ZWILCH: variants seen among roughly 807,000 people sequenced by gnomAD.
The protein encoded by ZWILCH is zwilch kinetochore protein, also known as protein zwilch homolog.
Under a neutral mutation model 79.9 loss-of-function variants are expected in ZWILCH, and 74 were observed. The ratio of observed to expected loss-of-function variants is 0.93; its 90% CI spans 0.77 to 1.12. ZWILCH has a LOEUF of 1.12. ZWILCH is among the 50% of genes most tolerant of loss of function. The pLI, the probability that ZWILCH is intolerant of heterozygous loss-of-function variation, is 0.00. For synonymous variants in ZWILCH, 241 were observed against 228.2 expected (o/e 1.06, Z -0.51); for missense variants, 694 against 687.5 (o/e 1.01, Z -0.11).
intron 12 of ZWILCH, among the ~76,000 whole-genome samples, chr15:66,531,991 TG>T (rs1488515684): frequency 1.3e-5 from 2 of 151,988 alleles, no homozygotes; most frequent in Non-Finnish European, 2.9e-5. Context: ...TGCTTGAACC[TG>T]GGAGGTAGAG....
chr15:66,539,401 C>CAAA (rs536047404), intron 16 of ZWILCH, among the ~76,000 whole-genome samples: 14,481 of 57,768 alleles, frequency 0.25, 1,409 homozygotes, highest in East Asian at 0.42. Context: ...AAGACCCTGT[C>CAAA]AAAAAAAAAA....
intron 2 of ZWILCH, among the ~76,000 whole-genome samples, chr15:66,511,971 C>G (rs1294655695): frequency 6.6e-6 from 1 of 152,076 alleles, no homozygotes; most frequent in East Asian, 1.9e-4. Context: ...GTAGGTGCAA[C>G]ATTTTGAAAG....
chr15:66,518,851 A>G (rs1337287930), intron 4 of ZWILCH, 28 bp from the exon 5 acceptor site: 1 of 1,590,152 alleles, frequency 6.3e-7, no homozygotes, highest in Non-Finnish European at 8.6e-7. Flanking sequence ...ATCTCTATCT[A>G]TAATTTGTCC....
intron 17 of ZWILCH, among the ~76,000 whole-genome samples, chr15:66,544,430 C>T (rs531575228): frequency 4.9e-4 from 75 of 151,940 alleles, no homozygotes; most frequent in Middle Eastern, 3.4e-3. Context: ...CTTCCAGGCT[C>T]AAGCAATCCT....
intron 8 of ZWILCH, among the ~76,000 whole-genome samples, chr15:66,526,469 C>CTTTTTT (rs1014781917): frequency 6.7e-6 from 1 of 148,314 alleles, no homozygotes; most frequent in African/African-American, 2.6e-5. Flanking sequence ...ACTGCTTTTT[C>CTTTTTT]TTTCTTTTTT....
At chr15:66,532,954 G>T in intron 13 of ZWILCH, 31 bp from the exon 14 acceptor site, 1 of 1,507,492 alleles carries the variant, frequency 6.6e-7, no homozygotes, top group Non-Finnish European at 9.0e-7. Flanking sequence ...TACCTGAAGT[G>T]TTTTTGCATG....
In ZWILCH at chr15:66,505,373, TTTA is replaced by T; in HGVS notation, c.38_40del (p.Tyr13del). ...CGGCTGAACTGCGCAGCAGAGGACT[TTTA>T]TTCTCGTCTCCTTCAGTGAGTCTAG... On this transcript the variant is annotated inframe_deletion, in exon 1 of 19. Coordinates refer to ENST00000307897, the MANE Select transcript of ZWILCH (RefSeq NM_017975.5). 6.2e-7 allele frequency: 1 copy of T among 1,614,180 alleles called. No individual in the cohort carries two copies. Among genetic ancestry groups the T allele is most frequent in the Non-Finnish European group, 8.5e-7 (1 of 1,180,026 alleles).
At chr15:66,517,455 T>TATATATAGAG (rs1180456312) in intron 4 of ZWILCH, among the ~76,000 whole-genome samples, 1 of 115,220 alleles carries the variant, frequency 8.7e-6, no homozygotes, top group Non-Finnish European at 1.9e-5. Context: ...TATATATATA[T>TATATATAGAG]AGTAATGTAC....
Position 66,539,401 on chromosome 15 carries a change from C to CAAAA in ZWILCH, c.1575-678_1575-675dup, listed in dbSNP as rs536047404. Reference sequence around the variant, plus strand: ...CCTGGGTGACAGAGCAAGACCCTGTCAAAAAAAAAAAAAAAAAAAAAAGAT... The same window carrying CAAAA: ...CCTGGGTGACAGAGCAAGACCCTGTCAAAAAAAAAAAAAAAAAAAAAAAAAAGAT... On this transcript the variant is annotated intron_variant, in intron 16 of 18. Transcript: ENST00000307897. 6.3e-3 allele frequency among the ~76,000 whole-genome samples: 364 copies of CAAAA among 57,948 alleles called. 10 individuals carry two copies. The highest frequency in any genetic ancestry group is 0.016 in the African/African-American group (264 of 16,300). 38.0% of individuals were successfully genotyped at this position (57,948 alleles called of 152,430 possible).
chr15:66,527,689 C>T (rs1894721049), intron 9 of ZWILCH, among the ~76,000 whole-genome samples, 168 bp from the exon 10 acceptor site: 2 of 152,210 alleles, frequency 1.3e-5, no homozygotes, highest in African/African-American at 4.8e-5. Flanking sequence ...CATCCTCACA[C>T]CCCCACCTGA....
chr15:66,520,406 C>A, intron 5 of ZWILCH, 184 bp from the exon 6 acceptor site: 1 of 524,598 alleles, frequency 1.9e-6, no homozygotes, highest in Non-Finnish European at 3.4e-6. Context: ...TATGTGTGAG[C>A]CACCATACCC....
rs1407729529 is a variant in ZWILCH at position 66,535,178 on chromosome 15, AAC to A, written c.1342-749_1342-748del. On this transcript the variant is annotated intron_variant, in intron 14 of 18. Coordinates refer to ENST00000307897, the MANE Select transcript of ZWILCH (RefSeq NM_017975.5). ...GCACTGGAAGCTCTCCAGGGGCAAGAACACACATGGAACTGTTATCACCTATG... is the reference window on the plus strand; with the variant it reads ...GCACTGGAAGCTCTCCAGGGGCAAGAACACATGGAACTGTTATCACCTATG... 3.3e-5 allele frequency among the ~76,000 whole-genome samples: 5 copies of A among 152,290 alleles called. No homozygotes were observed. The East Asian group carries it at 9.6e-4, about 29-fold the overall frequency.
Position 66,505,398 on chromosome 15 carries a change from C to CTA in ZWILCH, c.53+8_53+9dup, listed in dbSNP as rs1393875642. 1.2e-6 allele frequency: 2 copies of CTA among 1,613,882 alleles called. No homozygotes were observed. Among genetic ancestry groups the CTA allele is most frequent in the African/African-American group, 2.7e-5 (2 of 74,932 alleles). ...TTTATTCTCGTCTCCTTCAGTGAGT[C>CTA]TAGTCTCTTCTTTTGGCTGGGGTCC... On this transcript the variant is annotated splice_region_variant and intron_variant, in intron 1 of 18. Coordinates refer to ENST00000307897, the MANE Select transcript of ZWILCH (RefSeq NM_017975.5).
chr15:66,546,744 T>TA (rs1443635872), intron 18 of ZWILCH, 39 bp downstream of exon 18: 10 of 1,134,876 alleles, frequency 8.8e-6, no homozygotes, highest in Middle Eastern at 2.0e-4. Flanking sequence ...GTCAAATACT[T>TA]TGTAATAAGT....
intron 16 of ZWILCH, among the ~76,000 whole-genome samples, chr15:66,538,487 A>G (rs1424190076): frequency 6.6e-6 from 1 of 151,806 alleles, no homozygotes; most frequent in African/African-American, 2.4e-5. Flanking sequence ...GTTTCAAGCA[A>G]TTCTCCTGCC....
At chr15:66,505,478 A>T (rs1439050684) in intron 1 of ZWILCH, 87 bp downstream of exon 1, 1 of 1,513,862 alleles carries the variant, frequency 6.6e-7, no homozygotes, top group Non-Finnish European at 9.1e-7. Context: ...GCCTCTTGCC[A>T]CTCTGGGGAT....
chr15:66,544,206 G>A (rs1895281484), intron 17 of ZWILCH, among the ~76,000 whole-genome samples: 1 of 149,696 alleles, frequency 6.7e-6, no homozygotes, highest in African/African-American at 2.5e-5. Flanking sequence ...TCAGTGAGCC[G>A]ATATCACGCC....
chr15:66,547,056 G>A (rs35414043), intron 18 of ZWILCH: 10,537 of 152,758 alleles, frequency 0.069, 422 homozygotes, highest in Middle Eastern at 0.11. Context: ...CTGATTTGCC[G>A]TTGAAAGCGA....
At chr15:66,508,742 A>T in intron 1 of ZWILCH, 99 bp from the exon 2 acceptor site, 4 of 1,547,588 alleles carry the variant, frequency 2.6e-6, no homozygotes, top group Admixed American at 2.0e-5. Context: ...TGCCTTTCCT[A>T]TAGGTGTCCT....
Sources: gnomAD v4.1 joint callset for allele counts (sites outside exome capture counted in the v4.1 genomes callset) on GRCh38, gnomAD v4.1.1 for gene constraint, MANE v1.5 for transcripts, NCBI Gene and HGNC (gene_info 2026-07-23, HGNC 2026-07-21) for gene names.